NFE2L3: variants seen among roughly 807,000 people sequenced by gnomAD.
The protein encoded by NFE2L3 is NFE2 like bZIP transcription factor 3.
In NFE2L3, 18 loss-of-function variants were observed where a neutral mutation model predicts 23.5. The observed-to-expected ratio is 0.77, with a 90% CI of 0.53 to 1.13. NFE2L3 has a LOEUF of 1.13. Ranked by LOEUF, NFE2L3 falls within the 50% of genes most tolerant of loss-of-function variation. NFE2L3 has a pLI of 0.00. For missense variants in NFE2L3, 1,152 were observed against 877.2 expected (o/e 1.31, Z -3.96); for synonymous variants, 424 against 354.5 (o/e 1.20, Z -2.20).
In NFE2L3 at chr7:26,185,477, G is replaced by T. The variant is rs760726955; in HGVS notation, c.1779G>T (p.Gln593His). The T allele has an allele frequency of 1.2e-6, 2 of 1,613,992 alleles. No homozygotes were observed. The highest frequency in any genetic ancestry group is 1.7e-6 in the Non-Finnish European group (2 of 1,179,900). ...RRRGKNKVAAQNCRKRKLDII... is the reference protein window; with the variant it reads ...RRRGKNKVAAHNCRKRKLDII... ...GAGGGAAAAATAAAGTTGCTGCGCAGAACTGTCGTAAACGCAAATTGGACA... is the reference window on the plus strand; with the variant it reads ...GAGGGAAAAATAAAGTTGCTGCGCATAACTGTCGTAAACGCAAATTGGACA... The change falls in exon 4 of 4, where the codon CAG becomes CAT. Residue 593 changes from glutamine (Q) to histidine (H), a missense_variant. Physicochemically the swap from Gln to His is conservative, Grantham distance 24. Transcript: ENST00000056233.
chr7:26,171,474 G>A (rs1245791401), intron 1 of NFE2L3, among the ~76,000 whole-genome samples: 1 of 151,896 alleles, frequency 6.6e-6, no homozygotes. Context: ...AACCCTGCAG[G>A]TGGAGGTTGC....
intron 1 of NFE2L3, among the ~76,000 whole-genome samples, chr7:26,154,607 A>G (rs1056378171): frequency 2.6e-5 from 4 of 152,138 alleles, no homozygotes; most frequent in African/African-American, 7.2e-5. Flanking sequence ...CTGGAGTGCA[A>G]AGGTGCAATG....
chr7:26,161,290 C>T (rs1364653524), intron 1 of NFE2L3, among the ~76,000 whole-genome samples: 1 of 145,446 alleles, frequency 6.9e-6, no homozygotes, highest in African/African-American at 2.5e-5. Context: ...TGAAGTTCTG[C>T]TAAAGCTCAA....
intron 1 of NFE2L3, among the ~76,000 whole-genome samples, chr7:26,163,799 C>T (rs1421869533): frequency 1.3e-5 from 2 of 152,122 alleles, no homozygotes; most frequent in Non-Finnish European, 2.9e-5. Flanking sequence ...AATGCTATCC[C>T]TCCCTCCTCC....
chr7:26,184,863 T>C lies in NFE2L3; in HGVS notation c.1165T>C (p.Phe389Leu), dbSNP rs749329053. ...ACTGTATGACCTTGACATAAATATA[T>C]TTGATGAGATAAACTTAATGTCATT... is the stretch of plus-strand genomic sequence containing the variant. ...DLLYDLDINI[F>L]DEINLMSLAT... Residue 389 changes from phenylalanine to leucine, a missense_variant, in exon 4 of 4, where the codon TTT (phenylalanine) becomes CTT (leucine). Coordinates refer to ENST00000056233, the MANE Select transcript of NFE2L3 (RefSeq NM_004289.7). 6.2e-7 allele frequency: 1 copy of C among 1,613,926 alleles called. No homozygotes were observed. Among genetic ancestry groups the C allele is most frequent in the Non-Finnish European group, 8.5e-7 (1 of 1,179,826 alleles).
chr7:26,182,982 T>C (rs986721818), intron 2 of NFE2L3, among the ~76,000 whole-genome samples: 1 of 151,674 alleles, frequency 6.6e-6, no homozygotes, highest in Non-Finnish European at 1.5e-5. Flanking sequence ...AGAAACGGTC[T>C]TGTTGTGTTG....
chr7:26,183,675 G>A, intron 2 of NFE2L3, 26 bp from the exon 3 acceptor site: 1 of 1,440,330 alleles, frequency 6.9e-7, no homozygotes, highest in Non-Finnish European at 9.8e-7. Context: ...TTATGTGAAA[G>A]ATGCACTTTT....
At position 26,152,375 on chromosome 7, in the gene NFE2L3, T is replaced by G; in HGVS notation, c.-124T>G. On this transcript the variant is annotated 5_prime_UTR_variant, in exon 1 of 4. The change creates a new upstream start codon in the 5' untranslated region. Coordinates refer to ENST00000056233, the MANE Select transcript of NFE2L3 (RefSeq NM_004289.7). This position sits in a 1 kb window ranked among gnomAD's most constrained non-coding sequence, Gnocchi z 4.4. ...ACGGCCGCCACGCGCCCCGGTCCAT[T>G]GTTTCGCTTATCTGGGTTCCAGGCA... The G allele has an allele frequency of 6.5e-6, 4 of 616,420 alleles. No individual in the cohort carries two copies. Among genetic ancestry groups the G allele is most frequent in the Admixed American group, 4.9e-5 (1 of 20,306 alleles). 38.2% of individuals were successfully genotyped at this position (616,420 alleles called of 1,614,324 possible).
In NFE2L3 at chr7:26,152,432, C is replaced by A. The variant is rs1353956957; in HGVS notation, c.-67C>A. 2 of 1,142,312 alleles carry A rather than the reference C, an allele frequency of 1.8e-6. No individual in the cohort carries two copies. Among genetic ancestry groups the A allele is most frequent in the African/African-American group, 1.6e-5 (1 of 61,782 alleles). 70.8% of individuals were successfully genotyped at this position (1,142,312 alleles called of 1,614,324 possible). On this transcript the variant is annotated 5_prime_UTR_variant, in exon 1 of 4. Coordinates refer to ENST00000056233, the MANE Select transcript of NFE2L3 (RefSeq NM_004289.7). This position sits in a 1 kb window ranked among gnomAD's most constrained non-coding sequence, Gnocchi z 4.4. ...GGCGGCGCGCGGGGTCCGCACGTGTCACCCCGGCGGCTGGGGCGCCGGGAC... is the reference window on the plus strand; with the variant it reads ...GGCGGCGCGCGGGGTCCGCACGTGTAACCCCGGCGGCTGGGGCGCCGGGAC...
At chr7:26,163,943 G>T (rs1341574916) in intron 1 of NFE2L3, among the ~76,000 whole-genome samples, 1 of 152,184 alleles carries the variant, frequency 6.6e-6, no homozygotes, top group African/African-American at 2.4e-5. Flanking sequence ...TGCTGAGAAT[G>T]ATGGTTTGCA....
At chr7:26,171,057 G>A (rs915598208) in intron 1 of NFE2L3, among the ~76,000 whole-genome samples, 6 of 152,116 alleles carry the variant, frequency 3.9e-5, no homozygotes, top group Non-Finnish European at 7.4e-5. Context: ...ATCCATTGTT[G>A]GTAGGAATTA....
intron 1 of NFE2L3, among the ~76,000 whole-genome samples, chr7:26,170,232 T>G (rs1334539357): frequency 1.3e-5 from 2 of 152,164 alleles, no homozygotes; most frequent in African/African-American, 2.4e-5. Context: ...CTTGGTGTCT[T>G]CCTCTCCCTA....
intron 1 of NFE2L3, among the ~76,000 whole-genome samples, chr7:26,156,143 T>C (rs980089391): frequency 6.6e-6 from 1 of 152,212 alleles, no homozygotes; most frequent in African/African-American, 2.4e-5. Flanking sequence ...CTTTCTGTGC[T>C]TCATTCTGTG....
intron 1 of NFE2L3, among the ~76,000 whole-genome samples, chr7:26,177,631 A>G (rs1396578487): frequency 2.0e-5 from 3 of 152,180 alleles, no homozygotes; most frequent in African/African-American, 7.2e-5. Flanking sequence ...GAAGGAAGGA[A>G]TCAATTTTCA....
rs377065331 is a variant in NFE2L3 at position 26,185,388 on chromosome 7, A to G, written c.1690A>G (p.Ser564Gly). 8.9e-5 allele frequency: 144 copies of G among 1,614,164 alleles called. No homozygotes were observed. The South Asian group carries it at 1.3e-3, about 15-fold the overall frequency. The change falls in exon 4 of 4, where the codon AGC (serine) becomes GGC (glycine). Residue 564 changes from serine (S) to glycine (G), a missense_variant. Ser to Gly is a moderately conservative substitution (Grantham distance 56). Coordinates refer to ENST00000056233, the MANE Select transcript of NFE2L3 (RefSeq NM_004289.7). ...IVGMPVDSFNSMLSRYYLTDL... is the reference protein window; with the variant it reads ...IVGMPVDSFNGMLSRYYLTDL... The stretch of plus-strand genomic sequence containing the variant: ...CGGCATGCCTGTTGATTCTTTCAAT[A>G]GCATGTTAAGTAGATATTATCTGAC...
At position 26,185,686 on chromosome 7, in the gene NFE2L3, C is replaced by G. The variant is rs1415897343; in HGVS notation, c.1988C>G (p.Ala663Gly). The change falls in exon 4 of 4, where the codon GCT becomes GGT. Residue 663 changes from alanine (A) to glycine (G), a missense_variant. Physicochemically the swap from Ala to Gly is moderately conservative, Grantham distance 60. Coordinates refer to ENST00000056233, the MANE Select transcript of NFE2L3 (RefSeq NM_004289.7). ...QGRPVNPNHYALQCTHDGSIL... is the reference protein window; with the variant it reads ...QGRPVNPNHYGLQCTHDGSIL... ...AGGCCAGTCAATCCCAACCACTATG[C>G]TCTCCAGTGTACCCATGATGGAAGT... The G allele has an allele frequency of 1.9e-6, 3 of 1,613,706 alleles. No homozygotes were observed. Among genetic ancestry groups the G allele is most frequent in the Admixed American group, 3.3e-5 (2 of 59,994 alleles).
At chr7:26,158,539 G>A (rs568684052) in intron 1 of NFE2L3, among the ~76,000 whole-genome samples, 1 of 152,316 alleles carries the variant, frequency 6.6e-6, no homozygotes, top group Non-Finnish European at 1.5e-5. Context: ...GACTTGGTGT[G>A]TGCTCCTGAG....
intron 1 of NFE2L3, among the ~76,000 whole-genome samples, chr7:26,157,005 G>A (rs986262727): frequency 7.9e-5 from 12 of 152,196 alleles, no homozygotes; most frequent in East Asian, 1.9e-4. Flanking sequence ...CCAGCTACTC[G>A]GGAGCCTGAG....
intron 1 of NFE2L3, among the ~76,000 whole-genome samples, chr7:26,161,765 G>A (rs1784176855): frequency 6.6e-6 from 1 of 151,944 alleles, no homozygotes; most frequent in Non-Finnish European, 1.5e-5. Context: ...TCTCTGGATG[G>A]GGGTGGAGGT....
Sources: allele counts gnomAD v4.1 joint callset (sites outside exome capture counted in the v4.1 genomes callset), GRCh38; gene constraint gnomAD v4.1.1; non-coding constraint Gnocchi (gnomAD v3.1); transcripts MANE v1.5; gene names NCBI Gene and HGNC (gene_info 2026-07-23, HGNC 2026-07-21).